CNTN5: variants seen among roughly 807,000 people sequenced by gnomAD.
CNTN5 encodes contactin 5, also known as contactin-5.
Under a neutral mutation model 129.1 loss-of-function variants are expected in CNTN5, and 77 were observed. That is an observed-to-expected ratio of 0.60 (90% CI 0.50 to 0.72). CNTN5 has a LOEUF of 0.72. CNTN5 is among the 30% of genes least tolerant of loss of function. The pLI, the probability that CNTN5 is intolerant of heterozygous loss-of-function variation, is 0.00. For missense variants in CNTN5, 1,478 were observed against 1,328.8 expected (o/e 1.11, Z -1.75); for synonymous variants, 509 against 465.6 (o/e 1.09, Z -1.20).
At chr11:100,015,949 C>A (rs1311336069) in intron 9 of CNTN5, among the ~76,000 whole-genome samples, 1 of 152,018 alleles carries the variant, frequency 6.6e-6, no homozygotes, top group Non-Finnish European at 1.5e-5. Context: ...CATTCTAGTT[C>A]ATTCTTGTTC....
chr11:100,170,971 T>C (rs1393315209), intron 13 of CNTN5, among the ~76,000 whole-genome samples: 1 of 151,892 alleles, frequency 6.6e-6, no homozygotes, highest in Admixed American at 6.6e-5. Flanking sequence ...TTTTTATACA[T>C]GAGGGGGATG....
At position 99,710,567 on chromosome 11, in the gene CNTN5, ATG is replaced by A. The variant is rs71050018; in HGVS notation, c.56-108943_56-108942del. Among the ~76,000 whole-genome samples, 533 of 140,558 alleles carry A rather than the reference ATG, an allele frequency of 3.8e-3. 5 individuals carry two copies. The highest frequency in any genetic ancestry group is 0.011 in the East Asian group (52 of 4,726). The allele number at this position is 140,558 out of a possible 152,430, so 92.2% of individuals were successfully genotyped here. On this transcript the variant is annotated intron_variant, in intron 3 of 24. Transcript: ENST00000524871. ...CTAGATTGTGTGTGTGTGTGTGTGC[ATG>A]TGTGTGTGTGTGTGTGTGTGTGTGT...
intron 8 of CNTN5, among the ~76,000 whole-genome samples, chr11:99,999,314 A>T (rs1374248067): frequency 3.3e-5 from 5 of 152,202 alleles, no homozygotes; most frequent in African/African-American, 1.2e-4. Flanking sequence ...TTACAAGAAA[A>T]AAACAAAGAA....
intron 2 of CNTN5, among the ~76,000 whole-genome samples, chr11:99,426,355 A>G (rs778009310): frequency 6.6e-6 from 1 of 152,202 alleles, no homozygotes; most frequent in Non-Finnish European, 1.5e-5. Context: ...ATATTTCCAA[A>G]AAAAGGGCAA....
Position 99,555,908 on chromosome 11 carries a change from A to G in CNTN5, c.-70-237A>G, listed in dbSNP as rs543452021. Among the ~76,000 whole-genome samples the G allele has an allele frequency of 6.6e-5, 10 of 152,026 alleles. No homozygotes were observed. In the South Asian group the frequency reaches 2.1e-3, roughly 31 times the overall value. ...ATGTTTTTACTATCTGTATGGGAGTATTCAATGTAGATAAATGTGAAAAGG... is the reference window on the plus strand; with the variant it reads ...ATGTTTTTACTATCTGTATGGGAGTGTTCAATGTAGATAAATGTGAAAAGG... On this transcript the variant is annotated intron_variant, in intron 2 of 24. Transcript: ENST00000524871.
At chr11:100,068,849 A>C (rs1468691191) in intron 10 of CNTN5, among the ~76,000 whole-genome samples, 1 of 152,190 alleles carries the variant, frequency 6.6e-6, no homozygotes, top group East Asian at 1.9e-4. Flanking sequence ...CCAGTAAGCT[A>C]ATAAAAGCAA....
chr11:99,912,323 T>C (rs1212570688), intron 6 of CNTN5, among the ~76,000 whole-genome samples: 2 of 152,084 alleles, frequency 1.3e-5, no homozygotes, highest in African/African-American at 4.8e-5. Context: ...TGGTCACTCA[T>C]GAGTGTGGCT....
intron 2 of CNTN5, among the ~76,000 whole-genome samples, chr11:99,332,143 A>G (rs542512034): frequency 3.9e-5 from 6 of 152,154 alleles, no homozygotes; most frequent in Non-Finnish European, 8.8e-5. Context: ...TTTATATTCC[A>G]CTAATTTTTG....
intron 8 of CNTN5, among the ~76,000 whole-genome samples, chr11:99,983,466 TA>T (rs1417360115): frequency 6.6e-6 from 1 of 152,212 alleles, no homozygotes; most frequent in Non-Finnish European, 1.5e-5. Flanking sequence ...AATTTTGCCT[TA>T]AAACATTATT....
intron 3 of CNTN5, among the ~76,000 whole-genome samples, chr11:99,606,267 A>G (rs71474528): frequency 0.11 from 14,287 of 124,852 alleles, 847 homozygotes; most frequent in Non-Finnish European, 0.15. Flanking sequence ...TACAAAATCA[A>G]TGTGCAAAAA....
intron 8 of CNTN5, among the ~76,000 whole-genome samples, chr11:99,964,710 A>G (rs1013725570): frequency 1.3e-5 from 2 of 152,028 alleles, no homozygotes; most frequent in African/African-American, 2.4e-5. Context: ...TTTTCTATTG[A>G]TTGGAATAGT....
At chr11:99,406,454 C>T (rs1409624406) in intron 2 of CNTN5, among the ~76,000 whole-genome samples, 2 of 152,136 alleles carry the variant, frequency 1.3e-5, no homozygotes, top group Non-Finnish European at 2.9e-5. Context: ...TTGAGTGACA[C>T]AAGCTCCCCT....
intron 13 of CNTN5, among the ~76,000 whole-genome samples, chr11:100,085,132 A>C (rs1944499225): frequency 6.6e-6 from 1 of 152,010 alleles, no homozygotes; most frequent in Non-Finnish European, 1.5e-5. Flanking sequence ...GCACGTGGTA[A>C]CCAGTGAGAA....
intron 18 of CNTN5, among the ~76,000 whole-genome samples, chr11:100,279,739 T>TA (rs981047305): frequency 2.0e-5 from 3 of 151,710 alleles, no homozygotes; most frequent in Admixed American, 6.6e-5. Flanking sequence ...ATTTTAACTT[T>TA]AAAAAAACCT....
At chr11:99,337,118 A>AT (rs1447941122) in intron 2 of CNTN5, among the ~76,000 whole-genome samples, 1 of 152,140 alleles carries the variant, frequency 6.6e-6, no homozygotes, top group African/African-American at 2.4e-5. Flanking sequence ...AGTCCGTTCA[A>AT]TTTTTTCCTA....
chr11:100,324,830 G>A (rs2138970452), intron 21 of CNTN5, among the ~76,000 whole-genome samples: 2 of 152,080 alleles, frequency 1.3e-5, no homozygotes, highest in South Asian at 4.1e-4. Context: ...TCTAATCACT[G>A]TTGAACTGCC....
rs1591068198 is a variant in CNTN5 at position 99,444,466 on chromosome 11, T to A, written c.-70-111679T>A. 2.6e-5 allele frequency among the ~76,000 whole-genome samples: 4 copies of A among 152,182 alleles called. No homozygotes were observed. The East Asian group carries it at 7.7e-4, about 29-fold the overall frequency. ...AGCTAAAATGCCCAATCTCACTATGTTTACACTTTCTGTGCACGTTAGTGA... is the reference window on the plus strand; with the variant it reads ...AGCTAAAATGCCCAATCTCACTATGATTACACTTTCTGTGCACGTTAGTGA... On this transcript the variant is annotated intron_variant, in intron 2 of 24. Coordinates refer to ENST00000524871, the MANE Select transcript of CNTN5 (RefSeq NM_014361.4).
Position 99,104,641 on chromosome 11 carries a change from C to CACGT in CNTN5, c.-210+83371_-210+83372insACGT, listed in dbSNP as rs33928075. On this transcript the variant is annotated intron_variant, in intron 1 of 24. Transcript: ENST00000524871. ...GTATATATATATATACACACACACA[C>CACGT]GTGTATATATATATATCAAAACATC... Among the ~76,000 whole-genome samples the CACGT allele has an allele frequency of 3.4e-4, 51 of 151,268 alleles. 1 individual carries two copies. The highest frequency in any genetic ancestry group is 9.9e-4 in the African/African-American group (41 of 41,258).
chr11:99,239,945 A>AAC (rs1565429378), intron 1 of CNTN5, among the ~76,000 whole-genome samples: 9 of 152,128 alleles, frequency 5.9e-5, no homozygotes, highest in Admixed American at 2.6e-4. Context: ...TCAAAAAAAA[A>AAC]AAAAAAAAAA....
Sources: allele counts gnomAD v4.1 joint callset (sites outside exome capture counted in the v4.1 genomes callset), GRCh38; gene constraint gnomAD v4.1.1; transcripts MANE v1.5; gene names NCBI Gene and HGNC (gene_info 2026-07-23, HGNC 2026-07-21).